ST8SIA1: variants seen among roughly 807,000 people sequenced by gnomAD.
The protein encoded by ST8SIA1 is ST8 alpha-N-acetyl-neuraminide alpha-2,8-sialyltransferase 1, also known as alpha-N-acetylneuraminide alpha-2,8-sialyltransferase.
Under a neutral mutation model 35.9 loss-of-function variants are expected in ST8SIA1, and 16 were observed. The observed-to-expected ratio is 0.45, with a 90% CI of 0.30 to 0.68. ST8SIA1 has a LOEUF of 0.68. Ranked by LOEUF, ST8SIA1 falls within the 30% of genes least tolerant of loss-of-function variation. ST8SIA1 has a pLI of 0.09. For synonymous variants in ST8SIA1, 170 were observed against 169.6 expected (o/e 1.00, Z -0.02); for missense variants, 383 against 453.6 (o/e 0.84, Z 1.41).
rs145231145 is a variant in ST8SIA1, at chr12:22,222,571, AG to A, written c.585-20534del. ...AATTAAAAGTAGCACTGTATGTGAAAGAAGTGTAAGTAATCTTATTGACAGT... is the reference window on the plus strand; with the variant it reads ...AATTAAAAGTAGCACTGTATGTGAAAAAGTGTAAGTAATCTTATTGACAGT... On this transcript the variant is annotated intron_variant, in intron 4 of 4. Coordinates refer to ENST00000396037, the MANE Select transcript of ST8SIA1 (RefSeq NM_003034.4). Among the ~76,000 whole-genome samples the A allele has an allele frequency of 6.2e-3, 938 of 152,192 alleles. 12 individuals are homozygous for A. The highest frequency in any genetic ancestry group is 0.021 in the African/African-American group (854 of 41,540).
intron 4 of ST8SIA1, among the ~76,000 whole-genome samples, chr12:22,202,961 G>C (rs1375476882): frequency 6.6e-6 from 1 of 152,182 alleles, no homozygotes; most frequent in Admixed American, 6.6e-5. Flanking sequence ...GGCAGCAGTG[G>C]CTGAAGACAA....
At chr12:22,310,419 G>T (rs1706439904) in intron 1 of ST8SIA1, among the ~76,000 whole-genome samples, 1 of 152,116 alleles carries the variant, frequency 6.6e-6, no homozygotes, top group Admixed American at 6.6e-5. Context: ...AAAGTGGCAG[G>T]TTCCCCCTGT....
intron 4 of ST8SIA1, among the ~76,000 whole-genome samples, chr12:22,242,317 A>G (rs551413714): frequency 6.6e-6 from 1 of 152,272 alleles, no homozygotes; most frequent in East Asian, 1.9e-4. Flanking sequence ...ATACTGTAAC[A>G]CTTATTTGAA....
At chr12:22,316,535 C>T (rs1045204545) in intron 1 of ST8SIA1, among the ~76,000 whole-genome samples, 2 of 151,756 alleles carry the variant, frequency 1.3e-5, no homozygotes, top group African/African-American at 4.8e-5. Flanking sequence ...ATAAAAATAC[C>T]AGATGAAAAT....
intron 1 of ST8SIA1, among the ~76,000 whole-genome samples, chr12:22,323,956 T>C (rs1411269683): frequency 6.6e-6 from 1 of 152,056 alleles, no homozygotes; most frequent in African/African-American, 2.4e-5. Context: ...ACGGCACATG[T>C]TTACCTGTGA....
chr12:22,249,208 G>GTT, intron 3 of ST8SIA1, 110 bp from the exon 4 acceptor site: 8 of 565,588 alleles, frequency 1.4e-5, no homozygotes, highest in Non-Finnish European at 2.4e-5. Context: ...ACGAGTAACT[G>GTT]TTTTGTTTTT....
chr12:22,263,650 C>G (rs1466889807), intron 2 of ST8SIA1, among the ~76,000 whole-genome samples: 4 of 151,814 alleles, frequency 2.6e-5, no homozygotes, highest in African/African-American at 7.3e-5. Context: ...TTTTGTTGTT[C>G]TTGTTTGTGT....
At chr12:22,213,849 G>C (rs1285950629) in intron 4 of ST8SIA1, among the ~76,000 whole-genome samples, 1 of 152,048 alleles carries the variant, frequency 6.6e-6, no homozygotes. Context: ...GTGGAGGGCT[G>C]ATCTTTAGCT....
At chr12:22,333,823 CCTGA>C in intron 1 of ST8SIA1, 170 bp downstream of exon 1, 1 of 781,938 alleles carries the variant, frequency 1.3e-6, no homozygotes, top group East Asian at 2.4e-5. Flanking sequence ...GGGAAGGAAC[CCTGA>C]CTAAAGTCTC....
intron 4 of ST8SIA1, among the ~76,000 whole-genome samples, chr12:22,203,908 C>T (rs559761341): frequency 7.9e-5 from 12 of 152,268 alleles, no homozygotes; most frequent in Admixed American, 7.2e-4. Flanking sequence ...TCACAGCTTC[C>T]TGGGTTCTGA....
intron 2 of ST8SIA1, among the ~76,000 whole-genome samples, chr12:22,277,540 T>C (rs1254138572): frequency 1.3e-5 from 2 of 151,950 alleles, no homozygotes; most frequent in Admixed American, 1.3e-4. Flanking sequence ...CTAATTTTTG[T>C]ATTTTTAGTA....
chr12:22,316,505 T>C (rs1394488427), intron 1 of ST8SIA1, among the ~76,000 whole-genome samples: 3 of 152,172 alleles, frequency 2.0e-5, no homozygotes, highest in Non-Finnish European at 4.4e-5. Flanking sequence ...ATCTCAAATT[T>C]ACATGCAAAA....
At chr12:22,265,853 C>T (rs1865841755) in intron 2 of ST8SIA1, among the ~76,000 whole-genome samples, 1 of 151,988 alleles carries the variant, frequency 6.6e-6, no homozygotes, top group Admixed American at 6.6e-5. Flanking sequence ...TATCCTAATT[C>T]TTCTAAAACA....
chr12:22,280,482 A>G (rs533789544), intron 2 of ST8SIA1, among the ~76,000 whole-genome samples: 42 of 152,120 alleles, frequency 2.8e-4, no homozygotes, highest in Non-Finnish European at 5.3e-4. Context: ...ATTCTTTTCA[A>G]TTATTCCCAG....
chr12:22,218,095 G>A (rs978268318), intron 4 of ST8SIA1, among the ~76,000 whole-genome samples: 17 of 152,142 alleles, frequency 1.1e-4, no homozygotes, highest in Admixed American at 1.1e-3. Flanking sequence ...AGTCTGAGGG[G>A]GGCAGATCAC....
intron 1 of ST8SIA1, among the ~76,000 whole-genome samples, chr12:22,287,582 T>C (rs1172335496): frequency 6.6e-6 from 1 of 151,914 alleles, no homozygotes; most frequent in Non-Finnish European, 1.5e-5. Context: ...AAAATAACCA[T>C]TACAGTTGCA....
In ST8SIA1 at chr12:22,201,313, A is replaced by G; in HGVS notation, c.*239T>C. 1 of 446,900 alleles carries G rather than the reference A, an allele frequency of 2.2e-6. No homozygotes were observed. The highest frequency in any genetic ancestry group is 3.7e-5 in the East Asian group (1 of 26,958). 27.7% of individuals were successfully genotyped at this position (446,900 alleles called of 1,614,324 possible). A position where few individuals can be genotyped will look rare whatever the true frequency, so the allele number is the denominator to read the frequency against. On this transcript the variant is annotated 3_prime_UTR_variant, in exon 5 of 5. Coordinates refer to ENST00000396037, the MANE Select transcript of ST8SIA1 (RefSeq NM_003034.4). ...TGTGCTTTACCAACAGCATTTCACC[A>G]GCATTTTACTAGTTGCAAATCTGCC...
chr12:22,308,627 C>T (rs1288854271), intron 1 of ST8SIA1, among the ~76,000 whole-genome samples: 1 of 152,170 alleles, frequency 6.6e-6, no homozygotes, highest in South Asian at 2.1e-4. Flanking sequence ...TCTATTTCTT[C>T]ACCATCCTTA....
At chr12:22,317,252 A>C (rs534910867) in intron 1 of ST8SIA1, among the ~76,000 whole-genome samples, 25 of 152,354 alleles carry the variant, frequency 1.6e-4, no homozygotes, top group African/African-American at 6.0e-4. Flanking sequence ...TGGGTGGGAA[A>C]GAGGATATTG....
Sources: gnomAD v4.1 joint callset for allele counts (sites outside exome capture counted in the v4.1 genomes callset) on GRCh38, gnomAD v4.1.1 for gene constraint, MANE v1.5 for transcripts, NCBI Gene and HGNC (gene_info 2026-07-23, HGNC 2026-07-21) for gene names.